The following KLF11 variants were observed in gnomAD, a reference collection of about 807,000 sequenced individuals.
KLF11 encodes KLF transcription factor 11, also known as Krueppel-like factor 11.
In KLF11, 26 loss-of-function variants were observed where a neutral mutation model predicts 29.9. The ratio of observed to expected loss-of-function variants is 0.87; its 90% CI spans 0.64 to 1.21. The LOEUF (loss-of-function observed/expected upper bound fraction) is 1.21. Ranked by LOEUF, KLF11 falls within the 50% of genes most tolerant of loss-of-function variation. The pLI is 0.00. For synonymous variants in KLF11, 318 were observed against 257.4 expected (o/e 1.24, Z -2.25); for missense variants, 778 against 665.7 (o/e 1.17, Z -1.86).
chr2:10,044,196 A>G (rs1052134136), intron 1 of KLF11: 4 of 899,446 alleles, frequency 4.4e-6, no homozygotes, highest in Non-Finnish European at 5.3e-6. Flanking sequence ...GGGCGGGTTA[A>G]GAGCGGCTAG....
At chr2:10,051,732 T>C (rs1490229695) in intron 3 of KLF11, among the ~76,000 whole-genome samples, 1 of 147,608 alleles carries the variant, frequency 6.8e-6, no homozygotes, top group East Asian at 2.1e-4. Context: ...TTAGCCAGGA[T>C]GGTCTCGGTC....
intron 1 of KLF11, 129 bp from the exon 2 acceptor site, chr2:10,046,021 T>A: frequency 9.4e-7 from 1 of 1,058,456 alleles, no homozygotes; most frequent in Non-Finnish European, 1.5e-6. Context: ...TCGGTGTTTG[T>A]TGCTATAGAC....
intron 3 of KLF11, among the ~76,000 whole-genome samples, 172 bp downstream of exon 3, chr2:10,048,767 T>C (rs915034598): frequency 3.9e-5 from 6 of 152,180 alleles, no homozygotes; most frequent in African/African-American, 1.4e-4. Context: ...TGGGATTGTT[T>C]GCACAGCCAT....
At chr2:10,049,904 G>T (rs745904359) in intron 3 of KLF11, among the ~76,000 whole-genome samples, 1 of 152,184 alleles carries the variant, frequency 6.6e-6, no homozygotes, top group Non-Finnish European at 1.5e-5. Context: ...TGACCTGCCT[G>T]CCTCTTTTAA....
intron 3 of KLF11, 104 bp downstream of exon 3, chr2:10,048,699 G>A (rs1039753129): frequency 8.3e-6 from 7 of 848,076 alleles, no homozygotes; most frequent in South Asian, 4.1e-5. Flanking sequence ...AACCCCTGGC[G>A]AAGGTGGAAG....
At position 10,053,672 on chromosome 2, in the gene KLF11, T is replaced by G. The variant is rs1661476984; in HGVS notation, c.*1165T>G. On this transcript the variant is annotated 3_prime_UTR_variant, in exon 4 of 4. Coordinates refer to ENST00000305883, the MANE Select transcript of KLF11 (RefSeq NM_003597.5). ...TTCATTTTGTTTGAAGGAAATTGTT[T>G]TGACCAAACAGAAAATTACTTGGAA... The G allele has an allele frequency of 2.8e-6, 1 of 357,926 alleles. No homozygotes were observed. The highest frequency in any genetic ancestry group is 5.0e-6 in the Non-Finnish European group (1 of 200,442). The allele number at this position is 357,926 out of a possible 1,614,324, so 22.2% of individuals were successfully genotyped here.
In KLF11 at chr2:10,049,221, C is replaced by G. The variant is rs146577672; in HGVS notation, c.1258+626C>G. On this transcript the variant is annotated intron_variant, in intron 3 of 3. Transcript: ENST00000305883. The stretch of plus-strand genomic sequence containing the variant: ...CATTAGGGTAGCCACTGGCTGCTCA[C>G]ACTTGAAGTGTGTGGCTAGTGTGCC... Among the ~76,000 whole-genome samples, 257 of 152,354 alleles carry G rather than the reference C, an allele frequency of 1.7e-3. 2 individuals carry two copies. The highest frequency in any genetic ancestry group is 6.0e-3 in the African/African-American group (249 of 41,590).
At chr2:10,044,342 T>A in intron 1 of KLF11, 1 of 985,604 alleles carries the variant, frequency 1.0e-6, no homozygotes, top group Non-Finnish European at 1.2e-6. Flanking sequence ...TTGGGGGCCC[T>A]AAGCGTCGCG....
chr2:10,048,440 C>T lies in KLF11; in HGVS notation c.1103C>T (p.Pro368Leu), dbSNP rs2125279532. 5 of 1,614,124 alleles carry T rather than the reference C, an allele frequency of 3.1e-6. No homozygotes were observed. The highest frequency in any genetic ancestry group is 2.2e-5 in the East Asian group (1 of 44,884). ...GCTGCCGGGAATACCAAGTTGTTGC[C>T]CCTTGCCCCTGCTCCAGTGTTCATC... is the stretch of plus-strand genomic sequence containing the variant. ...VMAAGNTKLL[P>L]LAPAPVFITS... Residue 368 changes from proline (P) to leucine (L), a missense_variant, in exon 3 of 4, where the codon CCC becomes CTC. Transcript: ENST00000305883.
At chr2:10,050,102 C>T (rs995198057) in intron 3 of KLF11, among the ~76,000 whole-genome samples, 1 of 152,176 alleles carries the variant, frequency 6.6e-6, no homozygotes, top group African/African-American at 2.4e-5. Context: ...TCCATGTTTC[C>T]TAAAGTACTT....
Position 10,053,483 on chromosome 2 carries a change from G to C in KLF11, c.*976G>C, listed in dbSNP as rs1412654834. 7.5e-6 allele frequency: 3 copies of C among 398,562 alleles called. No individual in the cohort carries two copies. Among genetic ancestry groups the C allele is most frequent in the African/African-American group, 6.2e-5 (3 of 48,622 alleles). 24.7% of individuals were successfully genotyped at this position (398,562 alleles called of 1,614,324 possible). On this transcript the variant is annotated 3_prime_UTR_variant, in exon 4 of 4. Coordinates refer to ENST00000305883, the MANE Select transcript of KLF11 (RefSeq NM_003597.5). ...CTTCTCAGAAAAAAAGGAAATGTCT[G>C]TATTGGTTGGATGAAACTCCACCAG...
In KLF11 at chr2:10,048,187, C is replaced by G. The variant is rs780863595; in HGVS notation, c.850C>G (p.Pro284Ala). 1 of 1,614,112 alleles carries G rather than the reference C, an allele frequency of 6.2e-7. No individual in the cohort carries two copies. The highest frequency in any genetic ancestry group is 1.7e-5 in the Admixed American group (1 of 60,012). ...GATTTCTGTCTCTGTCCCTGCTCCCCCTGTCCTTTGCCAGATGATCCCTGT... is the reference window on the plus strand; with the variant it reads ...GATTTCTGTCTCTGTCCCTGCTCCCGCTGTCCTTTGCCAGATGATCCCTGT... ...PLISVSVPAP[P>A]VLCQMIPVTG... The change falls in exon 3 of 4, where the codon CCT becomes GCT. Residue 284 changes from proline to alanine, a missense_variant. Physicochemically the swap from Pro to Ala is conservative, Grantham distance 27 (BLOSUM62 -1). Coordinates refer to ENST00000305883, the MANE Select transcript of KLF11 (RefSeq NM_003597.5).
At chr2:10,048,658 GA>G (rs1661311313) in intron 3 of KLF11, 63 bp downstream of exon 3, 2 of 1,289,110 alleles carry the variant, frequency 1.6e-6, no homozygotes, top group African/African-American at 2.9e-5. Flanking sequence ...AGCACACCTT[GA>G]GCCGCCTTTG....
At chr2:10,048,982 C>T (rs1012713172) in intron 3 of KLF11, among the ~76,000 whole-genome samples, 1 of 139,280 alleles carries the variant, frequency 7.2e-6, no homozygotes, top group Non-Finnish European at 1.5e-5. Flanking sequence ...ACCAGTGTGA[C>T]TTATGTTTAT....
rs1661277267 is a variant in KLF11, at chr2:10,048,098, G to C, written c.761G>C (p.Gly254Ala). 1 of 1,614,090 alleles carries C rather than the reference G, an allele frequency of 6.2e-7. No homozygotes were observed. Among genetic ancestry groups the C allele is most frequent in the South Asian group, 1.1e-5 (1 of 91,090 alleles). ...TDKGQQAGWP[G>A]AVQTCSPKNY... ...AAAGGCCAGCAGGCAGGGTGGCCTGGTGCAGTTCAGACTTGCTCACCAAAG... is the reference window on the plus strand; with the variant it reads ...AAAGGCCAGCAGGCAGGGTGGCCTGCTGCAGTTCAGACTTGCTCACCAAAG... Residue 254 changes from glycine (G) to alanine (A), a missense_variant, in exon 3 of 4, where the codon GGT (glycine) becomes GCT (alanine). Physicochemically the swap from Gly to Ala is moderately conservative, Grantham distance 60. Coordinates refer to ENST00000305883, the MANE Select transcript of KLF11 (RefSeq NM_003597.5).
rs180859606 is a variant in KLF11 at position 10,044,497 on chromosome 2, A to C, written c.42+739A>C. On this transcript the variant is annotated intron_variant, in intron 1 of 3. Coordinates refer to ENST00000305883, the MANE Select transcript of KLF11 (RefSeq NM_003597.5). ...GGTTCTGTGACATCACAGGGGGTTT[A>C]GTGGCGCAGCCTGCGGGACAGAGGC... 1.3e-3 allele frequency: 1,227 copies of C among 947,898 alleles called. 14 individuals carry two copies. The African/African-American group carries it at 0.02, about 16-fold the overall frequency. The allele number at this position is 947,898 out of a possible 1,614,324, so 58.7% of individuals were successfully genotyped here.
rs1346080521 is a variant in KLF11 at position 10,043,654 on chromosome 2, G to C, written c.-63G>C. 2.3e-4 allele frequency: 271 copies of C among 1,174,116 alleles called. No individual in the cohort carries two copies. The highest frequency in any genetic ancestry group is 2.8e-4 in the Non-Finnish European group (262 of 931,058). 72.7% of individuals were successfully genotyped at this position (1,174,116 alleles called of 1,614,324 possible). On this transcript the variant is annotated 5_prime_UTR_variant, in exon 1 of 4. Coordinates refer to ENST00000305883, the MANE Select transcript of KLF11 (RefSeq NM_003597.5). ...CCGCCGCCGCCCGCAGCCCACGTGC[G>C]GCCGCTGCTGCGCCCGAGCTCACGC...
chr2:10,052,057 A>G (rs1217471180), intron 3 of KLF11, among the ~76,000 whole-genome samples, 170 bp from the exon 4 acceptor site: 1 of 152,186 alleles, frequency 6.6e-6, no homozygotes, highest in Non-Finnish European at 1.5e-5. Flanking sequence ...TGTGGGAGGA[A>G]TAAATGCCTT....
Position 10,052,226 on chromosome 2 carries a change from GGGGA to G in KLF11, c.1260_1263del (p.Glu421SerfsTer48). ...TTAATATGTATTTTCTCACCTCACA[GGGGA>G]GAAGCCTTTCAACTGCAGCTGGGAT... On this transcript the variant is annotated frameshift_variant and splice_region_variant, in exon 4 of 4. Transcript: ENST00000305883. LOFTEE classifies it high-confidence loss of function. The G allele has an allele frequency of 6.2e-7, 1 of 1,614,082 alleles. No homozygotes were observed. Among genetic ancestry groups the G allele is most frequent in the South Asian group, 1.1e-5 (1 of 91,074 alleles).
Sources: allele counts gnomAD v4.1 joint callset (sites outside exome capture counted in the v4.1 genomes callset), GRCh38; gene constraint gnomAD v4.1.1; transcripts MANE v1.5; gene names NCBI Gene and HGNC (gene_info 2026-07-23, HGNC 2026-07-21).